DISC1: variants seen among roughly 807,000 people sequenced by gnomAD.
DISC1 encodes the protein DISC1 scaffold protein, also known as disrupted in schizophrenia 1 protein.
DISC1 carries 57 observed loss-of-function variants against 84.5 expected under a neutral mutation model. The ratio of observed to expected loss-of-function variants is 0.67; its 90% CI spans 0.55 to 0.84. The LOEUF (loss-of-function observed/expected upper bound fraction) is 0.84. DISC1 is among the 40% of genes least tolerant of loss of function. The pLI, the probability that DISC1 is intolerant of heterozygous loss-of-function variation, is 0.00. For synonymous variants in DISC1, 411 were observed against 415.2 expected, an observed-to-expected ratio of 0.99 and a Z score of 0.12; for missense variants, 1,000 against 1,057.8, an observed-to-expected ratio of 0.95 and a Z score of 0.76.
At chr1:231,844,271 T>C (rs1278668492) in intron 9 of DISC1, among the ~76,000 whole-genome samples, 2 of 152,234 alleles carry the variant, frequency 1.3e-5, no homozygotes, top group Non-Finnish European at 2.9e-5. Context: ...GATAATTTGC[T>C]AGAGTGGCTC....
At chr1:231,812,429 G>A (rs541101186) in intron 8 of DISC1, among the ~76,000 whole-genome samples, 1 of 152,170 alleles carries the variant, frequency 6.6e-6, no homozygotes, top group Middle Eastern at 3.4e-3. Context: ...CATAAATTGT[G>A]TTTATTTAAT....
chr1:231,693,494 T>A (rs915055368), intron 1 of DISC1, among the ~76,000 whole-genome samples: 3 of 152,170 alleles, frequency 2.0e-5, no homozygotes, highest in African/African-American at 7.2e-5. Flanking sequence ...TGAGGTGCCA[T>A]AAAAGACCAA....
At chr1:231,992,297 G>A (rs1446997769) in intron 10 of DISC1, among the ~76,000 whole-genome samples, 1 of 152,092 alleles carries the variant, frequency 6.6e-6, no homozygotes, top group Non-Finnish European at 1.5e-5. Context: ...TGCAAATCAC[G>A]TGTTGATTGG....
rs748233049 is a variant in DISC1, at chr1:231,630,772, G to A, written c.67+3838G>A. Among the ~76,000 whole-genome samples the A allele has an allele frequency of 7.9e-5, 12 of 152,102 alleles. No homozygotes were observed. Among genetic ancestry groups the A allele is most frequent in the Non-Finnish European group, 1.6e-4 (11 of 68,018 alleles). On this transcript the variant is annotated intron_variant, in intron 1 of 12. Transcript: ENST00000439617. The surrounding 1 kb of genome is among the most constrained non-coding windows in gnomAD (Gnocchi z 4.4). ...TTTTAAAATTCCAGATGCTTTAGCC[G>A]TTCAGAATCCATTTTTTCTTTCAAA...
Position 231,962,689 on chromosome 1 carries a change from A to C in DISC1, c.2042+3801A>C, listed in dbSNP as rs61835561. 7.3e-3 allele frequency among the ~76,000 whole-genome samples: 1,113 copies of C among 152,320 alleles called. 5 individuals carry two copies. The highest frequency in any genetic ancestry group is 0.02 in the Middle Eastern group (6 of 294). On this transcript the variant is annotated intron_variant, in intron 10 of 12. Coordinates refer to ENST00000439617, the MANE Select transcript of DISC1 (RefSeq NM_018662.3). ...TTATGAACTGCCTAGGGGAGAAATA[A>C]CAGTGGATGTGGGAGTTATGAGCCA...
At chr1:231,809,523 T>TTAAAAAA (rs1491410470) in intron 8 of DISC1, among the ~76,000 whole-genome samples, 1 of 78,142 alleles carries the variant, frequency 1.3e-5, no homozygotes, top group African/African-American at 4.7e-5. Context: ...CTTTTTTTTT[T>TTAAAAAA]GAAAAAAAAA....
intron 9 of DISC1, among the ~76,000 whole-genome samples, chr1:231,905,213 A>G (rs1314607342): frequency 6.6e-6 from 1 of 152,210 alleles, no homozygotes; most frequent in Admixed American, 6.5e-5. Context: ...TTTCCCAACA[A>G]AAATGCAAAC....
chr1:231,734,347 G>A (rs2072167781), intron 3 of DISC1, among the ~76,000 whole-genome samples: 1 of 152,124 alleles, frequency 6.6e-6, no homozygotes, highest in African/African-American at 2.4e-5. Flanking sequence ...GAAGTGGTGG[G>A]GCAATGAGTA....
At chr1:231,880,776 C>T (rs144887932) in intron 9 of DISC1, among the ~76,000 whole-genome samples, 7 of 151,474 alleles carry the variant, frequency 4.6e-5, no homozygotes, top group Non-Finnish European at 8.8e-5. Flanking sequence ...GTGAAATCAT[C>T]GGGATGTGGA....
At chr1:231,868,202 C>T (rs1046556765) in intron 9 of DISC1, among the ~76,000 whole-genome samples, 14 of 152,170 alleles carry the variant, frequency 9.2e-5, no homozygotes, top group Admixed American at 3.9e-4. Context: ...CCAAACCCTC[C>T]GTTCTCCCCT....
intron 1 of DISC1, among the ~76,000 whole-genome samples, chr1:231,655,365 T>C (rs887127399): frequency 6.6e-6 from 1 of 152,216 alleles, no homozygotes; most frequent in Non-Finnish European, 1.5e-5. Flanking sequence ...TTTCCACTCC[T>C]GAGTTAGTTC....
intron 7 of DISC1, among the ~76,000 whole-genome samples, chr1:231,798,826 A>T (rs1488704893): frequency 6.6e-6 from 1 of 152,200 alleles, no homozygotes; most frequent in Admixed American, 6.6e-5. Flanking sequence ...TGAATAGAAC[A>T]TATGGAAGTC....
At chr1:232,006,734 C>T (rs863703) in intron 10 of DISC1, among the ~76,000 whole-genome samples, 42,998 of 152,028 alleles carry the variant, frequency 0.28, 6,353 homozygotes, top group African/African-American at 0.33. Context: ...TTCAAGCTGG[C>T]TGCAGAAATT....
intron 4 of DISC1, chr1:231,750,595 T>G: frequency 1.0e-6 from 1 of 985,440 alleles, no homozygotes; most frequent in South Asian, 4.7e-5. Context: ...CTTGTGGTCC[T>G]GGCTGCATGT....
At chr1:231,774,809 G>C (rs1476177453) in intron 6 of DISC1, 1 of 454,732 alleles carries the variant, frequency 2.2e-6, no homozygotes, top group Non-Finnish European at 4.4e-6. Context: ...GAACCAGCTG[G>C]CTCAACAGGT....
rs112977997 is a variant in DISC1, at chr1:231,662,822, G to A, written c.68-31004G>A. 8.4e-3 allele frequency among the ~76,000 whole-genome samples: 1,281 copies of A among 152,210 alleles called. 12 individuals are homozygous for A. The highest frequency in any genetic ancestry group is 0.011 in the Non-Finnish European group (741 of 68,004). ...ATAGAATGTACACAAAAGGAAATGAGAAAGGCATCAAAATGTGCCTCTGTA... is the reference window on the plus strand; with the variant it reads ...ATAGAATGTACACAAAAGGAAATGAAAAAGGCATCAAAATGTGCCTCTGTA... On this transcript the variant is annotated intron_variant, in intron 1 of 12. Coordinates refer to ENST00000439617, the MANE Select transcript of DISC1 (RefSeq NM_018662.3).
At chr1:231,693,032 A>C (rs2065232019) in intron 1 of DISC1, among the ~76,000 whole-genome samples, 1 of 152,226 alleles carries the variant, frequency 6.6e-6, no homozygotes, top group Non-Finnish European at 1.5e-5. Context: ...AATGCTCACA[A>C]CCACCTTATG....
chr1:231,886,791 C>CTT (rs2086763515), intron 9 of DISC1, among the ~76,000 whole-genome samples: 1 of 141,556 alleles, frequency 7.1e-6, no homozygotes, highest in African/African-American at 2.6e-5. Context: ...TTCTTTCTTT[C>CTT]TTTCTTTCTT....
chr1:231,800,138 C>G lies in DISC1; in HGVS notation c.1720C>G (p.Leu574Val). 6.2e-7 allele frequency: 1 copy of G among 1,611,514 alleles called. No homozygotes were observed. Among genetic ancestry groups the G allele is most frequent in the Non-Finnish European group, 8.5e-7 (1 of 1,179,630 alleles). Residue 574 changes from leucine to valine, a missense_variant, in exon 8 of 13, where the codon CTG (leucine) becomes GTG (valine). Transcript: ENST00000439617. ...VCMSEKFCSTLRKKVNDIETQ... is the reference protein window; with the variant it reads ...VCMSEKFCSTVRKKVNDIETQ... ...TATGAGTGAGAAATTCTGCAGCACC[C>G]TGAGGAAGAAAGTTAACGATATTGA...
Sources: gnomAD v4.1 joint callset for allele counts (sites outside exome capture counted in the v4.1 genomes callset) on GRCh38, gnomAD v4.1.1 for gene constraint, Gnocchi (gnomAD v3.1) non-coding constraint, MANE v1.5 for transcripts, NCBI Gene and HGNC (gene_info 2026-07-23, HGNC 2026-07-21) for gene names.